The following SLC26A4 variants were observed in gnomAD, a reference collection of about 807,000 sequenced individuals.
The protein encoded by SLC26A4 is pendrin.
SLC26A4 carries 93 observed loss-of-function variants against 90.4 expected under a neutral mutation model. The observed-to-expected ratio is 1.03, with a 90% CI of 0.87 to 1.22. The LOEUF is 1.22. SLC26A4 is among the 50% of genes most tolerant of loss of function. SLC26A4 has a pLI of 0.00. For synonymous variants in SLC26A4, 393 were observed against 354.6 expected, an observed-to-expected ratio of 1.11 and a Z score of -1.22; for missense variants, 1,127 against 946.2, an observed-to-expected ratio of 1.19 and a Z score of -2.51.
Position 107,710,108 on chromosome 7 carries a change from A to G in SLC26A4, c.2144A>G (p.Lys715Arg), listed in dbSNP as rs1249732570. Residue 715 changes from lysine to arginine, a missense_variant, in exon 19 of 21, where the codon AAG (lysine) becomes AGG (arginine). Physicochemically the swap from Lys to Arg is conservative, Grantham distance 26. Coordinates refer to ENST00000644269, the MANE Select transcript of SLC26A4 (RefSeq NM_000441.2). ...QCGFFDDNIR[K>R]DTFFLTVHDA... Reference sequence around the variant, plus strand: ...GGGTTCTTTGACGACAACATTAGAAAGGACACATTCTTTTTGACGGTCCAT... The same window carrying G: ...GGGTTCTTTGACGACAACATTAGAAGGGACACATTCTTTTTGACGGTCCAT... 1 of 1,610,870 alleles carries G rather than the reference A, an allele frequency of 6.2e-7. No homozygotes were observed. The highest frequency in any genetic ancestry group is 8.5e-7 in the Non-Finnish European group (1 of 1,176,946).
At chr7:107,694,314 G>A in intron 10 of SLC26A4, 89 bp from the exon 11 acceptor site, 1 of 946,366 alleles carries the variant, frequency 1.1e-6, no homozygotes, top group Non-Finnish European at 1.7e-6. Flanking sequence ...GTGTGTCTGT[G>A]AACAGGCTGT....
At position 107,700,182 on chromosome 7, in the gene SLC26A4, ATTTT is replaced by A; in HGVS notation, c.1707+8_1707+11del. The A allele has an allele frequency of 7.2e-7, 1 of 1,396,410 alleles. No individual in the cohort carries two copies. Among genetic ancestry groups the A allele is most frequent in the South Asian group, 1.2e-5 (1 of 86,632 alleles). 86.5% of individuals were successfully genotyped at this position (1,396,410 alleles called of 1,614,324 possible). The stretch of plus-strand genomic sequence containing the variant: ...AAAATGTATCAAGTCCACAGTAAGT[ATTTT>A]ATCCCTAGAAATTTGTTTTCTAACC... On this transcript the variant is annotated splice_region_variant and intron_variant, in intron 15 of 20. Coordinates refer to ENST00000644269, the MANE Select transcript of SLC26A4 (RefSeq NM_000441.2).
chr7:107,682,352 A>G (rs913637955), intron 6 of SLC26A4, among the ~76,000 whole-genome samples: 2 of 152,016 alleles, frequency 1.3e-5, no homozygotes, highest in African/African-American at 2.4e-5. Context: ...ACAGAAAAAA[A>G]CTACAGATTC....
intron 2 of SLC26A4, among the ~76,000 whole-genome samples, chr7:107,662,455 A>C (rs1584293895): frequency 6.7e-6 from 1 of 148,566 alleles, no homozygotes; most frequent in African/African-American, 2.5e-5. Flanking sequence ...TGAACTCCCC[A>C]CCCCCACCGT....
At chr7:107,681,559 AG>A (rs1791230130) in intron 6 of SLC26A4, among the ~76,000 whole-genome samples, 1 of 146,692 alleles carries the variant, frequency 6.8e-6, no homozygotes, top group South Asian at 2.1e-4. Context: ...TCTATAAAAA[AG>A]CTCATTTAAA....
chr7:107,708,904 C>G (rs778064055), intron 18 of SLC26A4, among the ~76,000 whole-genome samples: 8 of 152,180 alleles, frequency 5.3e-5, no homozygotes, highest in Non-Finnish European at 1.2e-4. Context: ...CAGGAGGACT[C>G]TCAAGGGTGT....
intron 6 of SLC26A4, 106 bp from the exon 7 acceptor site, chr7:107,683,096 T>C: frequency 2.3e-6 from 2 of 857,942 alleles, no homozygotes; most frequent in South Asian, 3.1e-5. Context: ...ATCATGGTTT[T>C]TCATGTGGGA....
chr7:107,683,340 A>G lies in SLC26A4; in HGVS notation c.904A>G (p.Ile302Val), dbSNP rs1791304370. 6.2e-7 allele frequency: 1 copy of G among 1,613,690 alleles called. No homozygotes were observed. The highest frequency in any genetic ancestry group is 8.5e-7 in the Non-Finnish European group (1 of 1,179,742). ...FRHKIPVPIP[I>V]EVIVTIIATA... ...ACACAAAATCCCAGTCCCTATTCCT[A>G]TAGAAGTAATTGTGGTAAGTAGAAT... Residue 302 changes from isoleucine (I) to valine (V), a missense_variant, in exon 7 of 21, where the codon ATA becomes GTA. Transcript: ENST00000644269.
At chr7:107,688,766 T>C (rs1791486622) in intron 8 of SLC26A4, among the ~76,000 whole-genome samples, 1 of 152,158 alleles carries the variant, frequency 6.6e-6, no homozygotes, top group Non-Finnish European at 1.5e-5. Context: ...TGTATGATAT[T>C]AAAGAATCAG....
At chr7:107,674,829 T>A in intron 5 of SLC26A4, 116 bp from the exon 6 acceptor site, 1 of 922,982 alleles carries the variant, frequency 1.1e-6, no homozygotes, top group African/African-American at 1.6e-5. Flanking sequence ...AGTATTTTTG[T>A]GCTATAGGCA....
chr7:107,675,303 A>AG (rs1554355146), intron 6 of SLC26A4, among the ~76,000 whole-genome samples, 194 bp downstream of exon 6: 38 of 143,896 alleles, frequency 2.6e-4, no homozygotes, highest in African/African-American at 6.1e-4. Flanking sequence ...AAAAAAAAAA[A>AG]AAAGAAAGAA....
At chr7:107,675,676 C>T (rs938737330) in intron 6 of SLC26A4, among the ~76,000 whole-genome samples, 6 of 150,844 alleles carry the variant, frequency 4.0e-5, no homozygotes, top group African/African-American at 7.3e-5. Context: ...CGGGTTCAAG[C>T]GATTCTCCTG....
Position 107,716,166 on chromosome 7 carries a change from A to G in SLC26A4, c.*720A>G, listed in dbSNP as rs956407901. 1 of 152,266 alleles carries G rather than the reference A, an allele frequency of 6.6e-6. No individual in the cohort carries two copies. The highest frequency in any genetic ancestry group is 1.5e-5 in the Non-Finnish European group (1 of 68,066). 9.4% of individuals were successfully genotyped at this position (152,266 alleles called of 1,614,324 possible). A position where few individuals can be genotyped will look rare whatever the true frequency, so the allele number is the denominator to read the frequency against. ...TTTTGATATGATAATAATCATGATC[A>G]CAACTGAGATCAAAAAAATATATGA... On this transcript the variant is annotated 3_prime_UTR_variant, in exon 21 of 21. Coordinates refer to ENST00000644269, the MANE Select transcript of SLC26A4 (RefSeq NM_000441.2).
At chr7:107,687,232 C>T (rs111437865) in intron 8 of SLC26A4, among the ~76,000 whole-genome samples, 1 of 152,204 alleles carries the variant, frequency 6.6e-6, no homozygotes, top group Non-Finnish European at 1.5e-5. Context: ...TGGGGCCAAA[C>T]AGGCCCACTG....
At chr7:107,686,108 G>GT (rs1562830686) in intron 8 of SLC26A4, among the ~76,000 whole-genome samples, 23 of 140,582 alleles carry the variant, frequency 1.6e-4, no homozygotes, top group African/African-American at 5.8e-4. Flanking sequence ...TGTGTGTGTG[G>GT]GTGTGTGTGT....
intron 18 of SLC26A4, 54 bp downstream of exon 18, chr7:107,704,439 T>C (rs1039580320): frequency 2.5e-6 from 2 of 800,664 alleles, no homozygotes; most frequent in Non-Finnish European, 4.4e-6. Flanking sequence ...AAGCCCTTTC[T>C]CCTATCTGGG....
At chr7:107,710,690 T>C (rs1431208639) in intron 19 of SLC26A4, among the ~76,000 whole-genome samples, 1 of 152,190 alleles carries the variant, frequency 6.6e-6, no homozygotes, top group Admixed American at 6.5e-5. Flanking sequence ...CAAAATAGAA[T>C]AGGCCCTGAT....
At chr7:107,677,662 G>A (rs974834520) in intron 6 of SLC26A4, among the ~76,000 whole-genome samples, 4 of 150,558 alleles carry the variant, frequency 2.7e-5, no homozygotes, top group African/African-American at 9.8e-5. Flanking sequence ...CTGGAGTACA[G>A]TAGCACAGTC....
At chr7:107,704,788 T>G (rs903965798) in intron 18 of SLC26A4, among the ~76,000 whole-genome samples, 1 of 152,200 alleles carries the variant, frequency 6.6e-6, no homozygotes, top group Non-Finnish European at 1.5e-5. Context: ...TTATGCCAAC[T>G]GGAAATTTAA....
Sources: allele counts gnomAD v4.1 joint callset (sites outside exome capture counted in the v4.1 genomes callset), GRCh38; gene constraint gnomAD v4.1.1; transcripts MANE v1.5; gene names NCBI Gene and HGNC (gene_info 2026-07-23, HGNC 2026-07-21).